The following CSMD2 variants were observed in gnomAD, a reference collection of about 807,000 sequenced individuals.
CSMD2 encodes CUB and Sushi multiple domains 2, also known as CUB and sushi domain-containing protein 2.
In CSMD2, 130 loss-of-function variants were observed where a neutral mutation model predicts 398.5. That is an observed-to-expected ratio of 0.33 (90% CI 0.28 to 0.38). The LOEUF is 0.38. CSMD2 is among the 10% of genes least tolerant of loss of function. The pLI is 1.00. For synonymous variants in CSMD2, 1,828 were observed against 1,908.5 expected (o/e 0.96, Z 1.10); for missense variants, 3,829 against 4,764.9 (o/e 0.80, Z 5.78).
intron 70 of CSMD2, among the ~76,000 whole-genome samples, chr1:33,517,175 C>T (rs976143609): frequency 1.4e-4 from 21 of 152,168 alleles, no homozygotes; most frequent in African/African-American, 4.6e-4. Context: ...CATCTAGTCA[C>T]TCATTTGCAA....
In CSMD2 at chr1:33,586,380, A is replaced by C. The variant is rs1639081411; in HGVS notation, c.7051+124T>G. The C allele has an allele frequency of 6.3e-6, 4 of 633,108 alleles. No individual in the cohort carries two copies. The South Asian group carries it at 6.9e-5, about 11-fold the overall frequency. The allele number at this position is 633,108 out of a possible 1,614,324, so 39.2% of individuals were successfully genotyped here. On this transcript the variant is annotated intron_variant, in intron 46 of 70. Coordinates refer to ENST00000373381, the MANE Select transcript of CSMD2 (RefSeq NM_001281956.2). ...CTCATCCATCAGACAACATTTACCA[A>C]GTGACCTTTCATGTTATGGGGCAGT...
intron 11 of CSMD2, among the ~76,000 whole-genome samples, chr1:33,790,077 G>C (rs1297374910): frequency 6.6e-6 from 1 of 152,150 alleles, no homozygotes; most frequent in Admixed American, 6.5e-5. Flanking sequence ...GATTGTGGGA[G>C]GAAAGAGAGC....
intron 3 of CSMD2, among the ~76,000 whole-genome samples, chr1:34,025,888 C>A (rs748575880): frequency 6.6e-6 from 1 of 152,172 alleles, no homozygotes; most frequent in Admixed American, 6.5e-5. Context: ...AGACACACCA[C>A]GAACAGCTGG....
chr1:33,565,248 C>T (rs1187759730), intron 53 of CSMD2, among the ~76,000 whole-genome samples: 1 of 152,124 alleles, frequency 6.6e-6, no homozygotes, highest in Non-Finnish European at 1.5e-5. Flanking sequence ...CTTGGTATGT[C>T]AATGTACAAC....
intron 66 of CSMD2, among the ~76,000 whole-genome samples, chr1:33,524,598 GA>G (rs1034105653): frequency 2.0e-5 from 3 of 152,112 alleles, no homozygotes; most frequent in African/African-American, 7.2e-5. Flanking sequence ...GGGATCCTGG[GA>G]AGTCTCTGCC....
At chr1:33,937,066 T>A (rs1463700485) in intron 3 of CSMD2, among the ~76,000 whole-genome samples, 1 of 152,196 alleles carries the variant, frequency 6.6e-6, no homozygotes, top group African/African-American at 2.4e-5. Flanking sequence ...GTTTCCTCAT[T>A]TGTAAGATAG....
chr1:33,747,607 C>T (rs376861901), intron 13 of CSMD2, among the ~76,000 whole-genome samples: 2 of 152,022 alleles, frequency 1.3e-5, no homozygotes, highest in African/African-American at 2.4e-5. Context: ...GGGGTTGTAA[C>T]GTAAGATGCT....
In CSMD2 at chr1:33,646,705, G is replaced by A. The variant is rs1447388136; in HGVS notation, c.4717C>T (p.Leu1573Phe). 12 of 1,614,100 alleles carry A rather than the reference G, an allele frequency of 7.4e-6. No individual in the cohort carries two copies. In the Middle Eastern group the frequency reaches 4.9e-4, roughly 66 times the overall value. Residue 1573 changes from leucine (L) to phenylalanine (F), a missense_variant, in exon 29 of 71, where the codon CTC becomes TTC. Leu to Phe is a conservative substitution (Grantham distance 22). This residue lies in a region of CSMD2 where 2,001 missense variants were observed against 2,567.1 expected (regional missense o/e 0.78). Transcript: ENST00000373381. ...ACAGATGCATCGCTGCGGAAGGCGA[G>A]GAAGAGGCTGTTGCTGCTGCTTTCA... ...RIESSSNSLF[L>F]AFRSDASVSN...
At chr1:33,543,954 C>T (rs1204177260) in intron 57 of CSMD2, among the ~76,000 whole-genome samples, 1 of 152,172 alleles carries the variant, frequency 6.6e-6, no homozygotes, top group East Asian at 1.9e-4. Flanking sequence ...ATGTTCCCAT[C>T]CATTGCCATT....
intron 4 of CSMD2, among the ~76,000 whole-genome samples, chr1:33,932,335 T>C (rs1371817789): frequency 6.6e-6 from 1 of 151,816 alleles, no homozygotes; most frequent in African/African-American, 2.4e-5. Context: ...TTCCAAGAGA[T>C]GGAAGAAATC....
At chr1:33,946,085 ACTCC>A (rs1644829092) in intron 3 of CSMD2, among the ~76,000 whole-genome samples, 1 of 151,774 alleles carries the variant, frequency 6.6e-6, no homozygotes, top group South Asian at 2.1e-4. Context: ...TACAACAGAA[ACTCC>A]CTCCCTCTTG....
At chr1:33,940,345 G>T (rs1644626412) in intron 3 of CSMD2, among the ~76,000 whole-genome samples, 1 of 152,036 alleles carries the variant, frequency 6.6e-6, no homozygotes, top group Non-Finnish European at 1.5e-5. Flanking sequence ...ACAGGTACTG[G>T]GGGTTAAGTC....
At chr1:33,681,793 C>A (rs1419574817) in intron 25 of CSMD2, among the ~76,000 whole-genome samples, 1 of 152,138 alleles carries the variant, frequency 6.6e-6, no homozygotes, top group Non-Finnish European at 1.5e-5. Context: ...TGATGAAACC[C>A]TGTCTCTACT....
In CSMD2 at chr1:33,636,587, C is replaced by A. The variant is rs1468081322; in HGVS notation, c.4775-33G>T. On this transcript the variant is annotated intron_variant, in intron 29 of 70. Transcript: ENST00000373381. The surrounding 1 kb of genome is among the most constrained non-coding windows in gnomAD (Gnocchi z 4.8). The stretch of plus-strand genomic sequence containing the variant: ...AAAGAAATACAAACACGTGCACACA[C>A]ACAGAGGGCTCATGAGGAGGCTATT... 1 of 1,590,166 alleles carries A rather than the reference C, an allele frequency of 6.3e-7. No homozygotes were observed. The highest frequency in any genetic ancestry group is 1.3e-5 in the African/African-American group (1 of 74,536).
chr1:33,779,799 G>C (rs1159491841), intron 12 of CSMD2, among the ~76,000 whole-genome samples: 3 of 152,164 alleles, frequency 2.0e-5, no homozygotes, highest in Non-Finnish European at 2.9e-5. Flanking sequence ...CTGTTAATTG[G>C]TAAGTTCCTT....
At chr1:33,761,568 A>T (rs1477089814) in intron 13 of CSMD2, among the ~76,000 whole-genome samples, 1 of 152,138 alleles carries the variant, frequency 6.6e-6, no homozygotes, top group African/African-American at 2.4e-5. Flanking sequence ...AACTCAGGGG[A>T]TGTTCTCAGG....
rs199924107 is a variant in CSMD2 at position 33,594,264 on chromosome 1, T to A, written c.6856+6601A>T. Among the ~76,000 whole-genome samples, 4 of 152,250 alleles carry A rather than the reference T, an allele frequency of 2.6e-5. No individual in the cohort carries two copies. The East Asian group carries it at 7.7e-4, about 29-fold the overall frequency. On this transcript the variant is annotated intron_variant, in intron 44 of 70. Transcript: ENST00000373381. ...AGTTACAGCCCCGCTTGAGATAGAGTGGCAATAATTGTAAATTCTTGAATC... is the reference window on the plus strand; with the variant it reads ...AGTTACAGCCCCGCTTGAGATAGAGAGGCAATAATTGTAAATTCTTGAATC...
chr1:34,164,440 G>C lies in CSMD2; in HGVS notation c.187+471C>G, dbSNP rs1177239537. Among the ~76,000 whole-genome samples, 1 of 152,062 alleles carries C rather than the reference G, an allele frequency of 6.6e-6. No individual in the cohort carries two copies. Among genetic ancestry groups the C allele is most frequent in the East Asian group, 2.0e-4 (1 of 5,120 alleles). ...AAATGGGCGGGGGCAGGGAAGGGCA[G>C]ACCTTGCAGACGCAGAAATGGGGAG... On this transcript the variant is annotated intron_variant, in intron 1 of 70. Transcript: ENST00000373381. This position sits in a 1 kb window ranked among gnomAD's most constrained non-coding sequence, Gnocchi z 6.2.
chr1:34,078,305 C>T (rs1656667009), intron 2 of CSMD2, among the ~76,000 whole-genome samples: 1 of 152,242 alleles, frequency 6.6e-6, no homozygotes, highest in African/African-American at 2.4e-5. Flanking sequence ...TACATACATA[C>T]ACATGATACA....
Sources: allele counts gnomAD v4.1 joint callset (sites outside exome capture counted in the v4.1 genomes callset), GRCh38; gene constraint gnomAD v4.1.1; regional missense constraint gnomAD v4.1.1; non-coding constraint Gnocchi (gnomAD v3.1); transcripts MANE v1.5; gene names NCBI Gene and HGNC (gene_info 2026-07-23, HGNC 2026-07-21).